TBC1D22A: variants seen among roughly 807,000 people sequenced by gnomAD.
TBC1D22A encodes the protein TBC1 domain family member 22A.
TBC1D22A carries 38 observed loss-of-function variants against 60.2 expected under a neutral mutation model. The observed-to-expected ratio is 0.63, with a 90% CI of 0.49 to 0.83. The LOEUF is 0.83. Ranked by LOEUF, TBC1D22A falls within the 40% of genes least tolerant of loss-of-function variation. The pLI is 0.00. For synonymous variants in TBC1D22A, 302 were observed against 281.7 expected, an observed-to-expected ratio of 1.07 and a Z score of -0.72; for missense variants, 628 against 701.0, an observed-to-expected ratio of 0.90 and a Z score of 1.18.
At chr22:47,121,361 T>A (rs1056938280) in intron 12 of TBC1D22A, among the ~76,000 whole-genome samples, 13 of 152,348 alleles carry the variant, frequency 8.5e-5, no homozygotes, top group Middle Eastern at 3.4e-3. Context: ...TAATTCTCCT[T>A]GTTTATAATT....
intron 12 of TBC1D22A, among the ~76,000 whole-genome samples, chr22:47,123,538 C>G (rs188716299): frequency 6.6e-6 from 1 of 152,344 alleles, no homozygotes. Flanking sequence ...CGTCAGGCCT[C>G]AACCTGCCCA....
chr22:46,782,864 C>T (rs888739628), intron 1 of TBC1D22A, among the ~76,000 whole-genome samples: 2 of 152,214 alleles, frequency 1.3e-5, no homozygotes, highest in Admixed American at 1.3e-4. Context: ...TGTATTGACC[C>T]ATTCATCAGC....
intron 12 of TBC1D22A, among the ~76,000 whole-genome samples, chr22:47,166,971 C>T (rs2068232836): frequency 6.6e-6 from 1 of 152,180 alleles, no homozygotes; most frequent in Non-Finnish European, 1.5e-5. Context: ...AGCTGCCCAG[C>T]CGGACAAGGA....
chr22:46,788,238 G>A (rs948012340), intron 1 of TBC1D22A, among the ~76,000 whole-genome samples: 6 of 152,124 alleles, frequency 3.9e-5, no homozygotes, highest in Admixed American at 6.6e-5. Flanking sequence ...GCCCGGCCAG[G>A]CAGGCTACTT....
At chr22:47,103,951 G>A (rs1162791738) in intron 11 of TBC1D22A, among the ~76,000 whole-genome samples, 4 of 152,082 alleles carry the variant, frequency 2.6e-5, no homozygotes, top group Admixed American at 6.6e-5. Flanking sequence ...ACCCCAAAAC[G>A]TGTTTTTTTT....
rs112995262 is a variant in TBC1D22A at position 46,793,781 on chromosome 22, C to A, written c.400C>A (p.Pro134Thr). ...PRPEAEPPSP[P>T]SGDLRLVKSV... is the part of the protein sequence containing the mutation. Reference sequence around the variant, plus strand: ...GCCCGAGGCAGAGCCGCCCTCACCCCCCAGCGGCGACCTCCGGCTGGTGAA... The same window carrying A: ...GCCCGAGGCAGAGCCGCCCTCACCCACCAGCGGCGACCTCCGGCTGGTGAA... The change falls in exon 3 of 13, where the codon CCC becomes ACC. Residue 134 changes from proline to threonine, a missense_variant. Physicochemically the swap from Pro to Thr is conservative, Grantham distance 38. Coordinates refer to ENST00000337137, the MANE Select transcript of TBC1D22A (RefSeq NM_014346.5). 46 of 1,601,678 alleles carry A rather than the reference C, an allele frequency of 2.9e-5. No individual in the cohort carries two copies. Among genetic ancestry groups the A allele is most frequent in the East Asian group, 1.6e-4 (7 of 44,268 alleles).
At chr22:47,031,247 G>A (rs1021498261) in intron 10 of TBC1D22A, among the ~76,000 whole-genome samples, 2 of 152,230 alleles carry the variant, frequency 1.3e-5, no homozygotes, top group Non-Finnish European at 2.9e-5. Flanking sequence ...GACACAGAGA[G>A]CTTGTAATTC....
intron 4 of TBC1D22A, among the ~76,000 whole-genome samples, chr22:46,834,783 G>A (rs531152423): frequency 1.6e-3 from 238 of 152,292 alleles, no homozygotes; most frequent in African/African-American, 5.5e-3. Context: ...CCCCCACCTA[G>A]CCCACATATG....
chr22:46,897,169 G>A (rs889586186), intron 7 of TBC1D22A, among the ~76,000 whole-genome samples: 1 of 152,180 alleles, frequency 6.6e-6, no homozygotes, highest in Non-Finnish European at 1.5e-5. Context: ...AAAGAATGAA[G>A]CAGCAAAAGC....
intron 10 of TBC1D22A, 64 bp downstream of exon 10, chr22:46,997,773 G>A (rs2075170500): frequency 5.4e-6 from 8 of 1,483,592 alleles, no homozygotes; most frequent in Non-Finnish European, 6.6e-6. Context: ...AGCCCTCGGT[G>A]GGACAGGGAG....
chr22:47,049,162 C>A (rs2063124844), intron 11 of TBC1D22A, among the ~76,000 whole-genome samples: 1 of 152,230 alleles, frequency 6.6e-6, no homozygotes, highest in Admixed American at 6.5e-5. Context: ...TTGTGCTCTT[C>A]CTTTCCAGGC....
In TBC1D22A at chr22:46,798,818, C is replaced by T. The variant is rs569903822; in HGVS notation, c.637+1198C>T. On this transcript the variant is annotated intron_variant, in intron 4 of 12. Coordinates refer to ENST00000337137, the MANE Select transcript of TBC1D22A (RefSeq NM_014346.5). ...CACGCGGATGGGCCGCCAGGAGCCA[C>T]GCAGGAGCCATGCAGGGGCCATATA... 3.1e-4 allele frequency among the ~76,000 whole-genome samples: 47 copies of T among 152,322 alleles called. No homozygotes were observed. The East Asian group carries it at 6.4e-3, about 21-fold the overall frequency.
intron 4 of TBC1D22A, among the ~76,000 whole-genome samples, chr22:46,840,113 AAAGC>A (rs1432950431): frequency 1.3e-5 from 2 of 152,244 alleles, no homozygotes; most frequent in Non-Finnish European, 2.9e-5. Context: ...ATCAAATTAA[AAAGC>A]TTCTGCACAG....
At chr22:47,146,775 G>A (rs2067300560) in intron 12 of TBC1D22A, among the ~76,000 whole-genome samples, 1 of 152,218 alleles carries the variant, frequency 6.6e-6, no homozygotes, top group Non-Finnish European at 1.5e-5. Context: ...TGGAGGATGG[G>A]ACGCCAGGGC....
intron 11 of TBC1D22A, among the ~76,000 whole-genome samples, chr22:47,042,182 C>G (rs1368072338): frequency 6.7e-6 from 1 of 149,460 alleles, no homozygotes; most frequent in Admixed American, 6.7e-5. Context: ...CTGCCCCCCC[C>G]ATGAGGCACT....
chr22:47,065,527 C>G lies in TBC1D22A; in HGVS notation c.1329+28329C>G, dbSNP rs964109908. ...CTTCTGTTGGGGGGCAGGCCTGGCTCCCTGCCCCTCCCCTGCCTGCCCTTG... is the reference window on the plus strand; with the variant it reads ...CTTCTGTTGGGGGGCAGGCCTGGCTGCCTGCCCCTCCCCTGCCTGCCCTTG... On this transcript the variant is annotated intron_variant, in intron 11 of 12. Transcript: ENST00000337137. Among the ~76,000 whole-genome samples the G allele has an allele frequency of 7.7e-4, 45 of 58,200 alleles. 1 individual carries two copies. The highest frequency in any genetic ancestry group is 6.7e-4 in the Admixed American group (3 of 4,450). The allele number at this position is 58,200 out of a possible 152,430, so 38.2% of individuals were successfully genotyped here. A position where few individuals can be genotyped will look rare whatever the true frequency, so the allele number is the denominator to read the frequency against.
At chr22:47,021,650 A>G (rs2062093431) in intron 10 of TBC1D22A, among the ~76,000 whole-genome samples, 1 of 152,246 alleles carries the variant, frequency 6.6e-6, no homozygotes, top group Non-Finnish European at 1.5e-5. Flanking sequence ...CAGGGACTCT[A>G]GCAGAACCCC....
chr22:47,171,442 G>A (rs2068447756), intron 12 of TBC1D22A, among the ~76,000 whole-genome samples: 2 of 152,152 alleles, frequency 1.3e-5, no homozygotes, highest in African/African-American at 4.8e-5. Context: ...CCCCCTGGGG[G>A]CAAATTCTCG....
intron 1 of TBC1D22A, among the ~76,000 whole-genome samples, chr22:46,775,423 TG>T (rs995484868): frequency 5.3e-5 from 8 of 152,098 alleles, no homozygotes; most frequent in African/African-American, 1.9e-4. Flanking sequence ...ACTATTTTCC[TG>T]CTCACGTCTG....
Sources: allele counts gnomAD v4.1 joint callset (sites outside exome capture counted in the v4.1 genomes callset), GRCh38; gene constraint gnomAD v4.1.1; transcripts MANE v1.5; gene names NCBI Gene and HGNC (gene_info 2026-07-23, HGNC 2026-07-21).